Variants in COL4A5 observed in about 807,000 individuals in gnomAD.
COL4A5 encodes collagen alpha-5(IV) chain.
In COL4A5, 26 loss-of-function variants were observed where a neutral mutation model predicts 130.2. The ratio of observed to expected loss-of-function variants is 0.20; its 90% confidence interval spans 0.15 to 0.28. The LOEUF is 0.28. Ranked by LOEUF, COL4A5 falls within the 10% of genes least tolerant of loss-of-function variation. COL4A5 has a pLI of 1.00. For synonymous variants in COL4A5, 496 were observed against 439.6 expected (o/e 1.13, Z -1.60); for missense variants, 1,131 against 1,344.3 (o/e 0.84, Z 2.48).
At chrX:108,569,533 C>A (rs2066026565) in intron 6 of COL4A5, among the ~76,000 whole-genome samples, 2 of 111,127 alleles carry the variant, frequency 1.8e-5, no homozygotes, top group South Asian at 7.7e-4. Flanking sequence ...ATTCCCTCCC[C>A]TTTCTCCTTT....
At chrX:108,585,963 A>G (rs2066329166) in intron 18 of COL4A5, among the ~76,000 whole-genome samples, 2 of 111,502 alleles carry the variant, frequency 1.8e-5, no homozygotes, top group Non-Finnish European at 3.8e-5. Context: ...ATATGCAAAG[A>G]CATAGACAAG....
chrX:108,692,640 A>G (rs2068654221), intron 49 of COL4A5, 108 bp from the exon 50 acceptor site: 13 of 669,365 alleles, frequency 1.9e-5, no homozygotes, highest in Non-Finnish European at 2.7e-5. Context: ...TTTATTACCT[A>G]TGAAAGGCTG....
At position 108,632,076 on chromosome X, in the gene COL4A5, G is replaced by A. The variant is rs143780988; in HGVS notation, c.3246+5727G>A. 4.2e-3 allele frequency among the ~76,000 whole-genome samples: 468 copies of A among 110,829 alleles called. 5 individuals are homozygous for A. The highest frequency in any genetic ancestry group is 0.03 in the East Asian group (104 of 3,512). Reference sequence around the variant, plus strand: ...AAAACATCAACAACATTGATAGACCGCTAGCAAGACTAGTAAAGAAGAAAA... The same window carrying A: ...AAAACATCAACAACATTGATAGACCACTAGCAAGACTAGTAAAGAAGAAAA... On this transcript the variant is annotated intron_variant, in intron 36 of 52. Coordinates refer to ENST00000328300, the MANE Select transcript of COL4A5 (RefSeq NM_033380.3).
chrX:108,672,228 A>T (rs1051272017), intron 42 of COL4A5, among the ~76,000 whole-genome samples: 32 of 112,360 alleles, frequency 2.8e-4, no homozygotes, highest in African/African-American at 8.7e-4. Flanking sequence ...CTAGGGGGTT[A>T]CTTTGAAGTA....
chrX:108,667,261 C>T (rs2068101950), intron 40 of COL4A5, 78 bp downstream of exon 40: 6 of 933,134 alleles, frequency 6.4e-6, no homozygotes, highest in Middle Eastern at 6.1e-4. Context: ...TTTCCATCTC[C>T]ACCTTTTACT....
chrX:108,556,427 A>T (rs1209800906), intron 2 of COL4A5, among the ~76,000 whole-genome samples: 1 of 111,193 alleles, frequency 9.0e-6, no homozygotes, highest in African/African-American at 3.3e-5. Flanking sequence ...TTGATATTTT[A>T]GATTCCCGGG....
chrX:108,456,692 CTTTACAGATCGAGGTGGTCCT>C (rs2064587770), intron 1 of COL4A5, among the ~76,000 whole-genome samples: 1 of 111,579 alleles, frequency 9.0e-6, no homozygotes, highest in South Asian at 3.8e-4. Context: ...TTTCCATAAA[CTTTACAGATCGAGGTGGTCCT>C]TTTTCATTTC....
At chrX:108,628,433 G>A (rs1266714985) in intron 36 of COL4A5, among the ~76,000 whole-genome samples, 3 of 111,044 alleles carry the variant, frequency 2.7e-5, no homozygotes, top group African/African-American at 9.8e-5. Context: ...CAGATATTGG[G>A]TGTTATCAAT....
chrX:108,546,816 T>A (rs996064333), intron 2 of COL4A5, among the ~76,000 whole-genome samples: 2 of 111,835 alleles, frequency 1.8e-5, no homozygotes, highest in African/African-American at 6.5e-5. Context: ...TTCTTTTTAT[T>A]CTTTTTTCTC....
chrX:108,494,121 C>T (rs2147553195), intron 1 of COL4A5, among the ~76,000 whole-genome samples: 1 of 110,983 alleles, frequency 9.0e-6, no homozygotes, highest in East Asian at 2.8e-4. Flanking sequence ...ATTTTTTGAC[C>T]TAAACAATTG....
At chrX:108,683,283 T>C (rs763998291) in intron 47 of COL4A5, among the ~76,000 whole-genome samples, 1 of 112,071 alleles carries the variant, frequency 8.9e-6, no homozygotes, top group South Asian at 3.7e-4. Context: ...CATGCTGTTT[T>C]GGTTACTGTA....
intron 1 of COL4A5, among the ~76,000 whole-genome samples, chrX:108,444,974 A>G (rs2064437939): frequency 9.0e-6 from 1 of 111,603 alleles, no homozygotes; most frequent in African/African-American, 3.3e-5. Flanking sequence ...AATCTTTGAG[A>G]CTTAATTTCC....
intron 19 of COL4A5, among the ~76,000 whole-genome samples, chrX:108,590,736 T>C (rs749621533): frequency 3.6e-5 from 4 of 111,853 alleles, no homozygotes; most frequent in Non-Finnish European, 3.8e-5. Context: ...GTTTATATGG[T>C]AACTTTGAAA....
intron 25 of COL4A5, among the ~76,000 whole-genome samples, chrX:108,599,396 T>G (rs757088843): frequency 5.4e-4 from 60 of 111,920 alleles, no homozygotes; most frequent in Non-Finnish European, 1.0e-3. Flanking sequence ...ATATTAACTT[T>G]TCGTGTGGCT....
chrX:108,531,992 A>G (rs772444833), intron 1 of COL4A5, among the ~76,000 whole-genome samples: 2 of 111,474 alleles, frequency 1.8e-5, no homozygotes, highest in South Asian at 7.5e-4. Context: ...ATACACAGCC[A>G]AATTCTAACA....
intron 25 of COL4A5, among the ~76,000 whole-genome samples, chrX:108,600,642 TTAGATAGATAGATAGA>T (rs138215716): frequency 2.0e-3 from 191 of 96,770 alleles, no homozygotes; most frequent in Non-Finnish European, 2.7e-3. Context: ...GATGGGTAGA[TTAGATAGATAGATAGA>T]TAGATAGATA....
intron 37 of COL4A5, among the ~76,000 whole-genome samples, chrX:108,659,300 A>G (rs761654388): frequency 7.7e-4 from 86 of 111,155 alleles, no homozygotes; most frequent in African/African-American, 2.8e-3. Context: ...ATTGAGACTT[A>G]TCATATGGCC....
At chrX:108,673,887 T>C (rs751149885) in intron 42 of COL4A5, among the ~76,000 whole-genome samples, 1 of 108,200 alleles carries the variant, frequency 9.2e-6, no homozygotes, top group African/African-American at 3.4e-5. Context: ...ACTAAAAATA[T>C]GAAAATTAGC....
intron 1 of COL4A5, among the ~76,000 whole-genome samples, chrX:108,509,916 C>T (rs1261897210): frequency 8.9e-6 from 1 of 112,334 alleles, no homozygotes; most frequent in Non-Finnish European, 1.9e-5. Context: ...AAATGCCCAT[C>T]AGTGACAGAT....
Sources: gnomAD v4.1 joint callset for allele counts (sites outside exome capture counted in the v4.1 genomes callset) on GRCh38, gnomAD v4.1.1 for gene constraint, MANE v1.5 for transcripts, NCBI Gene and HGNC (gene_info 2026-07-23, HGNC 2026-07-21) for gene names.